Variants in LIMCH1 observed in about 807,000 individuals in gnomAD.
LIMCH1 encodes LIM and calponin homology domains-containing protein 1.
In LIMCH1, 113 loss-of-function variants were observed where a neutral mutation model predicts 176.5. The observed-to-expected ratio is 0.64, with a 90% CI of 0.55 to 0.75. LIMCH1 has a LOEUF of 0.75. LIMCH1 is among the 30% of genes least tolerant of loss of function. The pLI is 0.00. For missense variants in LIMCH1, 1,674 were observed against 1,814.9 expected (o/e 0.92, Z 1.41); for synonymous variants, 619 against 645.9 (o/e 0.96, Z 0.63).
At chr4:41,650,659 A>G in intron 18 of LIMCH1, 51 bp downstream of exon 18, 1 of 1,453,498 alleles carries the variant, frequency 6.9e-7, no homozygotes, top group South Asian at 1.3e-5. Flanking sequence ...CCATGGTGAA[A>G]GAATCTGTTT....
At chr4:41,666,245 T>C (rs2094820359) in intron 20 of LIMCH1, among the ~76,000 whole-genome samples, 1 of 152,200 alleles carries the variant, frequency 6.6e-6, no homozygotes, top group African/African-American at 2.4e-5. Flanking sequence ...TGAAGAGAAT[T>C]TGTGATTGTT....
intron 1 of LIMCH1, among the ~76,000 whole-genome samples, chr4:41,566,527 G>A (rs1584217807): frequency 6.6e-6 from 1 of 152,264 alleles, no homozygotes; most frequent in Admixed American, 6.5e-5. Flanking sequence ...GGACAGTTGG[G>A]TGAAAGAGAG....
intron 13 of LIMCH1, among the ~76,000 whole-genome samples, chr4:41,636,305 G>C (rs979900197): frequency 6.9e-6 from 1 of 144,766 alleles, no homozygotes; most frequent in African/African-American, 2.6e-5. Flanking sequence ...AACCTATTGA[G>C]TCACGTACTT....
chr4:41,581,146 C>CTATCTATCTATCTATCTATCT (rs5857802), intron 1 of LIMCH1, among the ~76,000 whole-genome samples: 71 of 148,476 alleles, frequency 4.8e-4, no homozygotes, highest in African/African-American at 1.4e-3. Flanking sequence ...ATCTATCTAT[C>CTATCTATCTATCTATCTATCT]ATCTAATCAA....
At chr4:41,691,592 CAAAA>C (rs796984431) in intron 30 of LIMCH1, among the ~76,000 whole-genome samples, 2 of 62,392 alleles carry the variant, frequency 3.2e-5, no homozygotes, top group African/African-American at 5.1e-5. Flanking sequence ...ACTAAAAATA[CAAAA>C]AAAAAAAAAA....
chr4:41,636,531 A>G (rs956149910), intron 13 of LIMCH1, among the ~76,000 whole-genome samples: 2 of 152,000 alleles, frequency 1.3e-5, no homozygotes, highest in African/African-American at 2.4e-5. Flanking sequence ...AGTACATAGT[A>G]AAGGGATAAA....
At chr4:41,612,565 A>G (rs1327661815) in intron 4 of LIMCH1, 1 of 702,632 alleles carries the variant, frequency 1.4e-6, no homozygotes, top group East Asian at 2.7e-5. Context: ...ATTAATGCTA[A>G]GACACTGGCG....
intron 1 of LIMCH1, among the ~76,000 whole-genome samples, chr4:41,584,952 T>C (rs185388048): frequency 6.6e-6 from 1 of 152,280 alleles, no homozygotes; most frequent in East Asian, 1.9e-4. Flanking sequence ...TCCTGGTTCA[T>C]AGATGACCAT....
chr4:41,373,531 A>T (rs1222462702), intron 1 of LIMCH1, among the ~76,000 whole-genome samples: 1 of 152,254 alleles, frequency 6.6e-6, no homozygotes, highest in African/African-American at 2.4e-5. Context: ...AAGAATAGAA[A>T]CATAGCTAAC....
intron 1 of LIMCH1, among the ~76,000 whole-genome samples, chr4:41,469,122 C>A (rs1342888495): frequency 1.3e-5 from 2 of 152,196 alleles, no homozygotes; most frequent in African/African-American, 4.8e-5. Flanking sequence ...GATGATAATT[C>A]CTTTTATGAG....
chr4:41,612,939 C>T (rs904108493), intron 4 of LIMCH1: 7 of 1,509,676 alleles, frequency 4.6e-6, no homozygotes, highest in Middle Eastern at 1.7e-4. Context: ...AGGAGATGAA[C>T]GCGTGCTGCT....
intron 1 of LIMCH1, among the ~76,000 whole-genome samples, chr4:41,544,636 C>T (rs2079122349): frequency 1.3e-5 from 2 of 152,124 alleles, no homozygotes; most frequent in Non-Finnish European, 2.9e-5. Flanking sequence ...CCAAGCAAGG[C>T]TGGGTGGTTC....
intron 1 of LIMCH1, among the ~76,000 whole-genome samples, chr4:41,543,878 A>G (rs1425807702): frequency 6.6e-6 from 1 of 152,160 alleles, no homozygotes; most frequent in African/African-American, 2.4e-5. Flanking sequence ...CTGTTGCTCC[A>G]CAGACCCTAG....
Position 41,646,867 on chromosome 4 carries a change from T to C in LIMCH1, c.2794T>C (p.Ser932Pro). ...TPKPYSQPKN[S>P]QDVLKTFKVD... The stretch of plus-strand genomic sequence containing the variant: ...CAAGCCTTACTCCCAGCCCAAAAAT[T>C]CTCAAGATGTTCTGAAGACCTTTAA... The change falls in exon 17 of 32, where the codon TCT (serine) becomes CCT (proline). Residue 932 changes from serine to proline, a missense_variant. By Grantham distance (74) the Ser-to-Pro change is moderately conservative. Transcript: ENST00000503057. 1 of 1,613,768 alleles carries C rather than the reference T, an allele frequency of 6.2e-7. No individual in the cohort carries two copies. The highest frequency in any genetic ancestry group is 8.5e-7 in the Non-Finnish European group (1 of 1,179,716).
chr4:41,583,785 T>TC (rs1561829546), intron 1 of LIMCH1, among the ~76,000 whole-genome samples: 10 of 143,200 alleles, frequency 7.0e-5, no homozygotes, highest in African/African-American at 2.4e-4. Flanking sequence ...CTCTCTCTCT[T>TC]TTTTTTTTTT....
intron 19 of LIMCH1, 114 bp from the exon 20 acceptor site, chr4:41,662,707 T>C (rs1254318301): frequency 9.0e-7 from 1 of 1,106,666 alleles, no homozygotes; most frequent in African/African-American, 1.6e-5. Context: ...TCAGCTTATA[T>C]TGCCAGGACG....
intron 1 of LIMCH1, among the ~76,000 whole-genome samples, chr4:41,435,179 T>G (rs6447071): frequency 0.22 from 33,752 of 152,072 alleles, 4,633 homozygotes; most frequent in African/African-American, 0.37. Flanking sequence ...GATTATCCAA[T>G]GTTATCCCAG....
chr4:41,365,205 A>C (rs1056356444), intron 1 of LIMCH1, among the ~76,000 whole-genome samples: 2 of 152,246 alleles, frequency 1.3e-5, no homozygotes, highest in Admixed American at 1.3e-4. Context: ...GAGTGTGCCC[A>C]TGGGGCTTGG....
intron 1 of LIMCH1, among the ~76,000 whole-genome samples, chr4:41,364,093 C>T (rs946263638): frequency 6.6e-6 from 1 of 152,090 alleles, no homozygotes; most frequent in African/African-American, 2.4e-5. Flanking sequence ...CAAATGATTT[C>T]TTTGGAAGAT....
Sources: gnomAD v4.1 joint callset for allele counts (sites outside exome capture counted in the v4.1 genomes callset) on GRCh38, gnomAD v4.1.1 for gene constraint, MANE v1.5 for transcripts, NCBI Gene and HGNC (gene_info 2026-07-23, HGNC 2026-07-21) for gene names.